FAM13A: variants seen among roughly 807,000 people sequenced by gnomAD.
The protein encoded by FAM13A is protein FAM13A.
In FAM13A, 76 loss-of-function variants were observed where a neutral mutation model predicts 129.6. The observed-to-expected ratio is 0.59, with a 90% CI of 0.49 to 0.71. The LOEUF (loss-of-function observed/expected upper bound fraction) is 0.71, where lower values mean the gene tolerates loss of function less well. FAM13A is among the 30% of genes least tolerant of loss of function. The probability of loss-of-function intolerance (pLI) is 0.00; values close to 1 mark genes in which losing one functional copy is unlikely to be tolerated. For missense variants in FAM13A, 1,108 were observed against 1,249.3 expected (o/e 0.89, Z 1.70); for synonymous variants, 443 against 449.9 (o/e 0.98, Z 0.20).
Position 88,819,300 on chromosome 4 carries a change from T to A in FAM13A, c.1008-14248A>T, listed in dbSNP as rs1022813146. On this transcript the variant is annotated intron_variant, in intron 7 of 23. Transcript: ENST00000264344. ...TGCACTGAAATCAAAGGAATCCACA[T>A]CAATCATCAGCACTCACAGGTTCAT... Among the ~76,000 whole-genome samples, 3 of 152,318 alleles carry A rather than the reference T, an allele frequency of 2.0e-5. No individual in the cohort carries two copies. The South Asian group carries it at 6.2e-4, about 32-fold the overall frequency.
chr4:88,792,016 C>T (rs1021091085), intron 8 of FAM13A, among the ~76,000 whole-genome samples: 1 of 151,970 alleles, frequency 6.6e-6, no homozygotes. Context: ...CCCAGAAAAA[C>T]CACGTAAAAT....
chr4:88,770,805 G>A (rs1234814403), intron 11 of FAM13A, among the ~76,000 whole-genome samples: 1 of 152,156 alleles, frequency 6.6e-6, no homozygotes, highest in Non-Finnish European at 1.5e-5. Context: ...ATGTGAGAAA[G>A]CTTAGCTGAT....
chr4:88,929,744 T>G (rs1480257583), intron 5 of FAM13A, among the ~76,000 whole-genome samples: 1 of 152,166 alleles, frequency 6.6e-6, no homozygotes, highest in Admixed American at 6.6e-5. Flanking sequence ...TTCTGCTTTG[T>G]TTTTTGTTTT....
intron 1 of FAM13A, among the ~76,000 whole-genome samples, chr4:89,054,320 T>TACAC (rs1771960158): frequency 7.8e-6 from 1 of 127,588 alleles, no homozygotes; most frequent in Non-Finnish European, 1.7e-5. Flanking sequence ...CACACACACG[T>TACAC]ACGTACTACA....
At chr4:88,976,765 AG>A (rs1032581774) in intron 4 of FAM13A, among the ~76,000 whole-genome samples, 25 of 111,928 alleles carry the variant, frequency 2.2e-4, no homozygotes, top group Admixed American at 8.9e-5. Flanking sequence ...AGTTCCATTC[AG>A]GGTAAGTGCC....
chr4:88,963,388 C>T (rs968220768), intron 4 of FAM13A, among the ~76,000 whole-genome samples: 3 of 151,056 alleles, frequency 2.0e-5, no homozygotes, highest in Non-Finnish European at 4.4e-5. Flanking sequence ...ACCTCCATCT[C>T]CCAGGTTCAA....
intron 4 of FAM13A, among the ~76,000 whole-genome samples, chr4:88,950,734 C>T (rs1231646228): frequency 6.6e-6 from 1 of 152,136 alleles, no homozygotes; most frequent in African/African-American, 2.4e-5. Flanking sequence ...GAAGAGTGGT[C>T]TAACTTAAAA....
At chr4:88,738,718 C>A (rs1047095275) in intron 20 of FAM13A, among the ~76,000 whole-genome samples, 1 of 152,174 alleles carries the variant, frequency 6.6e-6, no homozygotes, top group African/African-American at 2.4e-5. Flanking sequence ...AAGTGCAGCC[C>A]TACCCACGTG....
intron 6 of FAM13A, among the ~76,000 whole-genome samples, chr4:88,900,221 A>G (rs1267239536): frequency 1.3e-5 from 2 of 151,970 alleles, no homozygotes; most frequent in Non-Finnish European, 2.9e-5. Context: ...CATATGCTGA[A>G]AAACATATAT....
chr4:88,955,762 C>A (rs1428187906), intron 4 of FAM13A, among the ~76,000 whole-genome samples: 2 of 152,168 alleles, frequency 1.3e-5, no homozygotes, highest in Non-Finnish European at 2.9e-5. Flanking sequence ...AAGAGACTGG[C>A]AGCACTTTGC....
At chr4:88,974,725 C>T (rs936995382) in intron 4 of FAM13A, among the ~76,000 whole-genome samples, 1 of 151,970 alleles carries the variant, frequency 6.6e-6, no homozygotes, top group African/African-American at 2.4e-5. Context: ...AAGAAGTTAT[C>T]AAAGAGGGGA....
intron 23 of FAM13A, chr4:88,729,625 C>G (rs1039930184): frequency 3.9e-5 from 6 of 152,170 alleles, no homozygotes; most frequent in African/African-American, 1.4e-4. Flanking sequence ...GGCACGCAGG[C>G]CCCCACTGCA....
chr4:88,957,573 T>C (rs1032920540), intron 4 of FAM13A, among the ~76,000 whole-genome samples: 1 of 152,204 alleles, frequency 6.6e-6, no homozygotes, highest in Non-Finnish European at 1.5e-5. Flanking sequence ...AGGATGGGCA[T>C]TGCTCTAAAG....
intron 5 of FAM13A, among the ~76,000 whole-genome samples, chr4:88,913,351 G>GGAGGAAGAAGAGAA (rs1389184296): frequency 6.9e-6 from 1 of 145,366 alleles, no homozygotes; most frequent in Admixed American, 7.0e-5. Flanking sequence ...AGGAAGAAGA[G>GGAGGAAGAAGAGAA]GAGGAAGAAG....
At chr4:88,960,875 A>G (rs1195355842) in intron 4 of FAM13A, among the ~76,000 whole-genome samples, 1 of 152,240 alleles carries the variant, frequency 6.6e-6, no homozygotes, top group Non-Finnish European at 1.5e-5. Context: ...CTAATCAGAA[A>G]AACATCAACT....
chr4:88,991,882 T>A (rs1486646023), intron 3 of FAM13A, among the ~76,000 whole-genome samples: 2 of 152,194 alleles, frequency 1.3e-5, no homozygotes, highest in African/African-American at 4.8e-5. Flanking sequence ...AGAATACTGC[T>A]AAGTCAGTTC....
chr4:88,778,008 T>C (rs898480937), intron 11 of FAM13A, among the ~76,000 whole-genome samples: 13 of 152,228 alleles, frequency 8.5e-5, no homozygotes, highest in African/African-American at 2.7e-4. Flanking sequence ...TTTCCTCAGC[T>C]GGCTTCTTAT....
chr4:88,953,424 C>T (rs778425897), intron 4 of FAM13A, among the ~76,000 whole-genome samples: 4 of 152,204 alleles, frequency 2.6e-5, no homozygotes, highest in Non-Finnish European at 5.9e-5. Flanking sequence ...CACTGCACTC[C>T]AGCCTGTGTG....
intron 1 of FAM13A, among the ~76,000 whole-genome samples, chr4:89,056,260 CA>C (rs779364751): frequency 4.6e-5 from 7 of 152,146 alleles, no homozygotes; most frequent in African/African-American, 7.2e-5. Flanking sequence ...TTGATTATTA[CA>C]AAAGGTTTTG....
Sources: gnomAD v4.1 joint callset for allele counts (sites outside exome capture counted in the v4.1 genomes callset) on GRCh38, gnomAD v4.1.1 for gene constraint, MANE v1.5 for transcripts, NCBI Gene and HGNC (gene_info 2026-07-23, HGNC 2026-07-21) for gene names.